The following ZNF69 variants were observed in gnomAD, a reference collection of about 807,000 sequenced individuals.
The protein encoded by ZNF69 is zinc finger protein 69.
Under a neutral mutation model 50.9 loss-of-function variants are expected in ZNF69, and 47 were observed. The ratio of observed to expected loss-of-function variants is 0.92; its 90% CI spans 0.73 to 1.18. The LOEUF (loss-of-function observed/expected upper bound fraction) is 1.18. ZNF69 is among the 50% of genes most tolerant of loss of function. The probability of loss-of-function intolerance (pLI) is 0.00; values close to 1 mark genes in which losing one functional copy is unlikely to be tolerated. For synonymous variants in ZNF69, 216 were observed against 223.1 expected, an observed-to-expected ratio of 0.97 and a Z score of 0.29; for missense variants, 717 against 675.1, an observed-to-expected ratio of 1.06 and a Z score of -0.69.
chr19:11,976,624 T>C, the ZNF69 span, among the ~76,000 whole-genome samples: 1 of 150,212 alleles, frequency 6.7e-6, no homozygotes, highest in African/African-American at 2.5e-5. Context: ...TTCAGCACTT[T>C]GGGAGGCCGA....
chr19:11,949,157 A>G, the ZNF69 span: 1 of 1,612,316 alleles, frequency 6.2e-7, no homozygotes, highest in African/African-American at 1.3e-5. Flanking sequence ...AAGTCATTTC[A>G]AACACATGAA....
the ZNF69 span, chr19:11,949,122 A>G: frequency 7.5e-5 from 121 of 1,612,338 alleles, no homozygotes; most frequent in Non-Finnish European, 9.9e-5. Flanking sequence ...AATGTAAGAT[A>G]TGTGGGAAAG....
the ZNF69 span, among the ~76,000 whole-genome samples, chr19:11,946,308 G>A: frequency 2.6e-5 from 4 of 152,146 alleles, no homozygotes; most frequent in South Asian, 8.3e-4. Context: ...TCTGTCCAGA[G>A]GAGGCACAGG....
At chr19:11,963,351 T>C in the ZNF69 span, among the ~76,000 whole-genome samples, 2 of 152,150 alleles carry the variant, frequency 1.3e-5, no homozygotes, top group Non-Finnish European at 2.9e-5. Flanking sequence ...CACTTTGGCC[T>C]CCCAAAATGT....
chr19:11,941,631 GGCCCGCAAGCGCC>G, the ZNF69 span, among the ~76,000 whole-genome samples: 1 of 152,190 alleles, frequency 6.6e-6, no homozygotes, highest in African/African-American at 2.4e-5. Flanking sequence ...AACTCCAGCT[GGCCCGCAAGCGCC>G]GCGCGCAGCC....
chr19:11,917,356 C>T (rs1000730975), downstream of ZNF69, among the ~76,000 whole-genome samples: 4 of 152,338 alleles, frequency 2.6e-5, no homozygotes, highest in African/African-American at 9.6e-5. Flanking sequence ...TGTGTCCACA[C>T]TGTGGGGAGG....
downstream of ZNF69, among the ~76,000 whole-genome samples, chr19:11,907,905 AGT>A (rs901511603): frequency 2.0e-5 from 3 of 152,240 alleles, no homozygotes; most frequent in Non-Finnish European, 4.4e-5. Flanking sequence ...AAGACCCATC[AGT>A]GTGCTGTATT....
At chr19:11,971,439 A>C in the ZNF69 span, among the ~76,000 whole-genome samples, 1 of 152,188 alleles carries the variant, frequency 6.6e-6, no homozygotes, top group Non-Finnish European at 1.5e-5. Context: ...AGAGTGATGC[A>C]AATATTCATG....
At chr19:11,936,506 A>G in the ZNF69 span, among the ~76,000 whole-genome samples, 3 of 152,128 alleles carry the variant, frequency 2.0e-5, no homozygotes, top group African/African-American at 4.8e-5. Context: ...ATGTCTGTTC[A>G]TGTCCTTTGC....
At chr19:11,959,887 C>G in the ZNF69 span, among the ~76,000 whole-genome samples, 3 of 151,878 alleles carry the variant, frequency 2.0e-5, no homozygotes, top group Non-Finnish European at 4.4e-5. Context: ...TTTTTGTTGC[C>G]CATCTACTCT....
intron 1 of ZNF69, among the ~76,000 whole-genome samples, chr19:11,889,956 T>C (rs1232788359): frequency 6.6e-6 from 1 of 152,216 alleles, no homozygotes; most frequent in African/African-American, 2.4e-5. Flanking sequence ...GCCAGATTTA[T>C]GTTTCACTTT....
Position 11,905,139 on chromosome 19 carries a change from T to C in ZNF69, c.742T>C (p.Tyr248His), listed in dbSNP as rs1348046365. ...HERIHTGEKP[Y>H]ECKQCGKSFS... ...AAGAATTCACACTGGAGAGAAACCA[T>C]ATGAATGTAAACAATGTGGTAAATC... The change falls in exon 4 of 4, where the codon TAT (tyrosine) becomes CAT (histidine). Residue 248 changes from tyrosine to histidine, a missense_variant. Physicochemically the swap from Tyr to His is moderately conservative, Grantham distance 83. Coordinates refer to ENST00000429654, the MANE Select transcript of ZNF69 (RefSeq NM_001364730.1). 1.9e-6 allele frequency: 3 copies of C among 1,614,040 alleles called. No homozygotes were observed. The highest frequency in any genetic ancestry group is 1.3e-5 in the African/African-American group (1 of 74,932).
At position 11,906,090 on chromosome 19, in the gene ZNF69, A is replaced by G. The variant is rs1213165483; in HGVS notation, c.1693A>G (p.Lys565Glu). ...CCCTGAAGATAAACCCTATGAGTGT[A>G]AGCAATGAGGGAAAGCCTTCAGATC... ...THPEDKPYEC[K>E]Q Residue 565 changes from lysine to glutamate, a missense_variant, in exon 4 of 4, where the codon AAG (lysine) becomes GAG (glutamate). Physicochemically the swap from Lys to Glu is moderately conservative, Grantham distance 56. Coordinates refer to ENST00000429654, the MANE Select transcript of ZNF69 (RefSeq NM_001364730.1). The G allele has an allele frequency of 6.2e-7, 1 of 1,610,902 alleles. No homozygotes were observed. The highest frequency in any genetic ancestry group is 2.2e-5 in the East Asian group (1 of 44,864).
At chr19:11,929,190 G>T in the ZNF69 span, among the ~76,000 whole-genome samples, 1 of 148,150 alleles carries the variant, frequency 6.7e-6, no homozygotes. Context: ...TTTTGAGATA[G>T]GGTCTCACTC....
chr19:11,974,143 TTTCTTTCTTTCTTTCCTTCCTTCC>T, the ZNF69 span, among the ~76,000 whole-genome samples: 28 of 128,880 alleles, frequency 2.2e-4, no homozygotes, highest in Non-Finnish European at 3.4e-4. Flanking sequence ...TCTTTCTTTC[TTTCTTTCTTTCTTTCCTTCCTTCC>T]TTCCTTCCTT....
Position 11,906,218 on chromosome 19 carries a change from A to G in ZNF69, c.*120A>G. The G allele has an allele frequency of 6.6e-7, 1 of 1,526,676 alleles. No homozygotes were observed. The highest frequency in any genetic ancestry group is 8.7e-7 in the Non-Finnish European group (1 of 1,144,972). The allele number at this position is 1,526,676 out of a possible 1,614,324, so 94.6% of individuals were successfully genotyped here. On this transcript the variant is annotated 3_prime_UTR_variant, in exon 4 of 4. Transcript: ENST00000429654. Reference sequence around the variant, plus strand: ...AGGTCTGCCCAGAACCTTCGAATTCAGTAAAGGACACAAGCACACATAAGA... The same window carrying G: ...AGGTCTGCCCAGAACCTTCGAATTCGGTAAAGGACACAAGCACACATAAGA...
chr19:11,925,082 A>C, the ZNF69 span: 10 of 1,041,266 alleles, frequency 9.6e-6, no homozygotes, highest in African/African-American at 1.5e-4. Flanking sequence ...CCCACAGTTC[A>C]TCCGGAAATG....
chr19:11,929,959 C>T, the ZNF69 span, among the ~76,000 whole-genome samples: 2 of 148,160 alleles, frequency 1.3e-5, no homozygotes, highest in Non-Finnish European at 2.9e-5. Context: ...GGTGATATGT[C>T]TTCAGTACAC....
At chr19:11,904,211 A>G (rs1972311195) in intron 3 of ZNF69, among the ~76,000 whole-genome samples, 2 of 152,154 alleles carry the variant, frequency 1.3e-5, no homozygotes, top group South Asian at 4.1e-4. Context: ...TGGGCAACAT[A>G]ACGAGACCAC....
Sources: allele counts gnomAD v4.1 joint callset (sites outside exome capture counted in the v4.1 genomes callset), GRCh38; gene constraint gnomAD v4.1.1; transcripts MANE v1.5; gene names NCBI Gene and HGNC (gene_info 2026-07-23, HGNC 2026-07-21).